PLD5: variants seen among roughly 807,000 people sequenced by gnomAD.
PLD5 encodes the protein phospholipase D family member 5, also known as inactive phospholipase D5.
Under a neutral mutation model 61.1 loss-of-function variants are expected in PLD5, and 36 were observed. The observed-to-expected ratio is 0.59, with a 90% confidence interval of 0.45 to 0.78. The LOEUF is 0.78. PLD5 is among the 30% of genes least tolerant of loss of function. The pLI, the probability that PLD5 is intolerant of heterozygous loss-of-function variation, is 0.00. For missense variants in PLD5, 515 were observed against 644.4 expected (o/e 0.80, Z 2.17); for synonymous variants, 243 against 242.8 (o/e 1.00, Z -0.01).
chr1:242,163,268 C>T (rs898479035), intron 5 of PLD5, among the ~76,000 whole-genome samples: 2 of 151,806 alleles, frequency 1.3e-5, no homozygotes, highest in Non-Finnish European at 2.9e-5. Flanking sequence ...CTCAGCCTCC[C>T]GAGTAGCTGG....
intron 1 of PLD5, among the ~76,000 whole-genome samples, chr1:242,439,727 C>T (rs2102904504): frequency 6.6e-6 from 1 of 152,210 alleles, no homozygotes; most frequent in East Asian, 1.9e-4. Context: ...TTTGTCTCAT[C>T]TTCCTCTGGA....
chr1:242,312,839 T>A (rs1374256272), intron 2 of PLD5, among the ~76,000 whole-genome samples: 1 of 152,244 alleles, frequency 6.6e-6, no homozygotes, highest in African/African-American at 2.4e-5. Context: ...CTGCCATGTT[T>A]AATGTGGATT....
At chr1:242,369,584 A>G (rs1661522652) in intron 1 of PLD5, among the ~76,000 whole-genome samples, 1 of 152,186 alleles carries the variant, frequency 6.6e-6, no homozygotes. Flanking sequence ...ACATAAAACT[A>G]TTGACAGTGG....
At chr1:242,316,917 C>A (rs1309546495) in intron 2 of PLD5, among the ~76,000 whole-genome samples, 1 of 152,038 alleles carries the variant, frequency 6.6e-6, no homozygotes, top group Non-Finnish European at 1.5e-5. Context: ...CCTCCAGCTC[C>A]CTCTATGACC....
chr1:242,486,473 C>G (rs1406347002), intron 1 of PLD5, among the ~76,000 whole-genome samples: 1 of 152,140 alleles, frequency 6.6e-6, no homozygotes, highest in East Asian at 1.9e-4. Flanking sequence ...CTCATCATCA[C>G]TGGCCATCAG....
chr1:242,443,983 G>A (rs1666389762), intron 1 of PLD5, among the ~76,000 whole-genome samples: 1 of 152,070 alleles, frequency 6.6e-6, no homozygotes, highest in Non-Finnish European at 1.5e-5. Flanking sequence ...CACCTAATGG[G>A]ACCTGTGCAG....
At chr1:242,339,817 G>C (rs911359073) in intron 2 of PLD5, among the ~76,000 whole-genome samples, 1 of 152,168 alleles carries the variant, frequency 6.6e-6, no homozygotes, top group African/African-American at 2.4e-5. Flanking sequence ...ACATCAGGTG[G>C]ACGCCATCTT....
rs374595016 is a variant in PLD5 at position 242,105,004 on chromosome 1, T to C, written c.1239+2667A>G. On this transcript the variant is annotated intron_variant, in intron 8 of 9. Coordinates refer to ENST00000536534, the MANE Select transcript of PLD5 (RefSeq NM_001372062.1). Reference sequence around the variant, plus strand: ...TAACAGCAACACAACAAAAACTTAATAAACGATGTAGCATTGGTTTACTCA... The same window carrying C: ...TAACAGCAACACAACAAAAACTTAACAAACGATGTAGCATTGGTTTACTCA... 1.2e-4 allele frequency among the ~76,000 whole-genome samples: 18 copies of C among 152,328 alleles called. No individual in the cohort carries two copies. The East Asian group carries it at 1.3e-3, about 11-fold the overall frequency.
chr1:242,433,511 G>A (rs1286141233), intron 1 of PLD5, among the ~76,000 whole-genome samples: 3 of 152,040 alleles, frequency 2.0e-5, no homozygotes, highest in Non-Finnish European at 4.4e-5. Context: ...TGAGGATATT[G>A]TTCTGTAGTT....
intron 1 of PLD5, among the ~76,000 whole-genome samples, chr1:242,359,177 G>A (rs574417968): frequency 2.0e-5 from 3 of 152,210 alleles, no homozygotes; most frequent in East Asian, 3.9e-4. Flanking sequence ...GCTTTGTTTC[G>A]TTGTGACCCC....
intron 6 of PLD5, among the ~76,000 whole-genome samples, chr1:242,121,659 C>T (rs1418927711): frequency 6.6e-6 from 1 of 152,006 alleles, no homozygotes; most frequent in Admixed American, 6.6e-5. Flanking sequence ...TATTGCGGCG[C>T]TATTCACAAT....
In PLD5 at chr1:242,304,426, A is replaced by G. The variant is rs1454622844; in HGVS notation, c.327-15896T>C. On this transcript the variant is annotated intron_variant, in intron 2 of 9. Coordinates refer to ENST00000536534, the MANE Select transcript of PLD5 (RefSeq NM_001372062.1). ...GGTTTAAAATAGTTTTTCTAAATGT[A>G]TCTTTTCACAGTCTGAATATGGCTT... 2.0e-5 allele frequency among the ~76,000 whole-genome samples: 3 copies of G among 152,180 alleles called. No individual in the cohort carries two copies. The East Asian group carries it at 5.8e-4, about 29-fold the overall frequency.
intron 4 of PLD5, among the ~76,000 whole-genome samples, chr1:242,254,242 A>G (rs971751164): frequency 2.6e-5 from 4 of 151,998 alleles, no homozygotes; most frequent in African/African-American, 9.7e-5. Flanking sequence ...GATGTCATTT[A>G]CTAACAGTTC....
At chr1:242,148,824 CAT>C (rs1440612769) in intron 5 of PLD5, among the ~76,000 whole-genome samples, 4 of 151,906 alleles carry the variant, frequency 2.6e-5, no homozygotes, top group African/African-American at 9.6e-5. Flanking sequence ...ATATAGAAAA[CAT>C]AACATTTCTA....
At chr1:242,421,636 G>A (rs1207429919) in intron 1 of PLD5, among the ~76,000 whole-genome samples, 1 of 152,194 alleles carries the variant, frequency 6.6e-6, no homozygotes, top group African/African-American at 2.4e-5. Flanking sequence ...CGAAAGTTGG[G>A]AGGTCTTCAC....
intron 5 of PLD5, among the ~76,000 whole-genome samples, chr1:242,189,445 CAAAAAAAAAAAAAAAA>C (rs58476673): frequency 2.8e-4 from 20 of 70,452 alleles, no homozygotes; most frequent in African/African-American, 9.1e-4. Flanking sequence ...GACTCCATCT[CAAAAAAAAAAAAAAAA>C]AAAAAAAGGA....
chr1:242,212,592 C>T (rs574238667), intron 5 of PLD5, among the ~76,000 whole-genome samples: 65 of 152,110 alleles, frequency 4.3e-4, no homozygotes, highest in Non-Finnish European at 8.4e-4. Flanking sequence ...GTTTGTGCAG[C>T]AGGCAGCAGC....
chr1:242,427,549 T>C (rs1348985438), intron 1 of PLD5, among the ~76,000 whole-genome samples: 2 of 152,242 alleles, frequency 1.3e-5, no homozygotes. Flanking sequence ...AAAAGCTTTC[T>C]AGTTCATCTT....
chr1:242,518,015 T>C (rs576702037), intron 1 of PLD5, among the ~76,000 whole-genome samples: 1 of 152,240 alleles, frequency 6.6e-6, no homozygotes, highest in Admixed American at 6.5e-5. Flanking sequence ...AACACAAGGC[T>C]CTTTGCCTAC....
Sources: gnomAD v4.1 joint callset for allele counts (sites outside exome capture counted in the v4.1 genomes callset) on GRCh38, gnomAD v4.1.1 for gene constraint, MANE v1.5 for transcripts, NCBI Gene and HGNC (gene_info 2026-07-23, HGNC 2026-07-21) for gene names.